The following FGF11 variants were observed in gnomAD, a reference collection of about 807,000 sequenced individuals.
FGF11 encodes the protein fibroblast growth factor homologous factor 3.
A neutral mutation model predicts 25.1 loss-of-function variants in FGF11; 25 were observed. The ratio of observed to expected loss-of-function variants is 1.00; its 90% confidence interval spans 0.73 to 1.39. The LOEUF (loss-of-function observed/expected upper bound fraction) is 1.39. FGF11 is among the 40% of genes most tolerant of loss of function. The pLI is 0.00. For missense variants in FGF11, 320 were observed against 311.0 expected (o/e 1.03, Z -0.22); for synonymous variants, 130 against 128.9 (o/e 1.01, Z -0.06).
chr17:7,439,750 C>T lies in FGF11; in HGVS notation c.130C>T (p.Leu44Phe). 6.4e-7 allele frequency: 1 copy of T among 1,567,656 alleles called. No homozygotes were observed. Among genetic ancestry groups the T allele is most frequent in the Non-Finnish European group, 8.6e-7 (1 of 1,161,688 alleles). The change falls in exon 1 of 5, where the codon CTC becomes TTC. Residue 44 changes from leucine to phenylalanine, a missense_variant. Leu to Phe is a conservative substitution (Grantham distance 22, BLOSUM62 0). Coordinates refer to ENST00000293829, the MANE Select transcript of FGF11 (RefSeq NM_004112.4). ...GTKSLCQKQL[L>F]ILLSKVRLCG... ...CAAGTCCCTTTGCCAGAAGCAGCTCCTCATCCTGCTGTCCAAGGTGCGACT... is the reference window on the plus strand; with the variant it reads ...CAAGTCCCTTTGCCAGAAGCAGCTCTTCATCCTGCTGTCCAAGGTGCGACT...
rs1324672552 is a variant in FGF11, at chr17:7,444,572, C to T, written c.*1426C>T. The T allele has an allele frequency of 6.0e-6, 1 of 165,424 alleles. No homozygotes were observed. The highest frequency in any genetic ancestry group is 1.3e-5 in the Non-Finnish European group (1 of 75,092). 10.2% of individuals were successfully genotyped at this position (165,424 alleles called of 1,614,324 possible). On this transcript the variant is annotated 3_prime_UTR_variant, in exon 5 of 5. Coordinates refer to ENST00000293829, the MANE Select transcript of FGF11 (RefSeq NM_004112.4). Reference sequence around the variant, plus strand: ...TCTAATTGGATAGAACTTGCTTTACCTTACAGCTCACAACCTCAGCTGGGT... The same window carrying T: ...TCTAATTGGATAGAACTTGCTTTACTTTACAGCTCACAACCTCAGCTGGGT...
At chr17:7,442,500 A>AGGTAT in intron 3 of FGF11, 94 bp from the exon 4 acceptor site, 11 of 1,585,294 alleles carry the variant, frequency 6.9e-6, no homozygotes, top group South Asian at 2.3e-5. Flanking sequence ...TCCCCCAAAA[A>AGGTAT]GGATTTGTGC....
chr17:7,443,155 C>T lies in FGF11; in HGVS notation c.*9C>T, dbSNP rs1908421758. 3.8e-6 allele frequency: 6 copies of T among 1,568,952 alleles called. No individual in the cohort carries two copies. Among genetic ancestry groups the T allele is most frequent in the Non-Finnish European group, 4.4e-6 (5 of 1,143,090 alleles). ...GTCCCCCTGCCCCCTGAAATGTAGT[C>T]CCTGGACTGGAGGTTCCCTGCACTC... is the stretch of plus-strand genomic sequence containing the variant. On this transcript the variant is annotated 3_prime_UTR_variant, in exon 5 of 5. Coordinates refer to ENST00000293829, the MANE Select transcript of FGF11 (RefSeq NM_004112.4).
chr17:7,442,933 G>A, intron 4 of FGF11, 141 bp downstream of exon 4: 1 of 1,184,128 alleles, frequency 8.4e-7, no homozygotes, highest in Non-Finnish European at 1.2e-6. Context: ...TGCCCTTTGG[G>A]GGTTTGGGTG....
chr17:7,443,299 C>T lies in FGF11; in HGVS notation c.*153C>T. ...GCTCTACCCTGAGGGAGCCTAGGGG[C>T]TGACTGTGACTTCCGAGGCTGCTGA... On this transcript the variant is annotated 3_prime_UTR_variant, in exon 5 of 5. Transcript: ENST00000293829. 1.7e-6 allele frequency: 1 copy of T among 581,318 alleles called. No homozygotes were observed. The highest frequency in any genetic ancestry group is 3.1e-6 in the Non-Finnish European group (1 of 327,838). 36.0% of individuals were successfully genotyped at this position (581,318 alleles called of 1,614,324 possible). A position where few individuals can be genotyped will look rare whatever the true frequency, so the allele number is the denominator to read the frequency against.
rs780142908 is a variant in FGF11, at chr17:7,439,796, G to C, written c.176G>C (p.Arg59Pro). 1.7e-5 allele frequency: 25 copies of C among 1,449,848 alleles called. No homozygotes were observed. The East Asian group carries it at 7.2e-4, about 42-fold the overall frequency. The allele number at this position is 1,449,848 out of a possible 1,614,324, so 89.8% of individuals were successfully genotyped here. The change falls in exon 1 of 5, where the codon CGG (arginine) becomes CCG (proline). Residue 59 changes from arginine to proline, a missense_variant. Transcript: ENST00000293829. ...CGACTGTGCGGGGGGCGGCCCGCGCGGCCGGACCGCGGCCCGGGTGAGTGC... is the reference window on the plus strand; with the variant it reads ...CGACTGTGCGGGGGGCGGCCCGCGCCGCCGGACCGCGGCCCGGGTGAGTGC... ...KVRLCGGRPA[R>P]PDRGPEPQLK...
intron 1 of FGF11, 78 bp downstream of exon 1, chr17:7,439,891 A>G: frequency 8.1e-7 from 1 of 1,234,762 alleles, no homozygotes; most frequent in Non-Finnish European, 1.1e-6. Flanking sequence ...TCTGAAGAAT[A>G]GGGCCCGGCT....
rs988972957 is a variant in FGF11, at chr17:7,443,007, C to T, written c.608-69C>T. 5.3e-6 allele frequency: 7 copies of T among 1,315,828 alleles called. No homozygotes were observed. In the African/African-American group the frequency reaches 8.7e-5, roughly 16 times the overall value. The allele number at this position is 1,315,828 out of a possible 1,614,324, so 81.5% of individuals were successfully genotyped here. On this transcript the variant is annotated intron_variant, in intron 4 of 4. Coordinates refer to ENST00000293829, the MANE Select transcript of FGF11 (RefSeq NM_004112.4). ...GTACGGGAAGGGAGCCCTTTTGGAG[C>T]ACTGGTTCTGCCTGGGTCCCTCTGT...
intron 3 of FGF11, chr17:7,442,267 TC>T: frequency 2.7e-6 from 1 of 370,572 alleles, no homozygotes; most frequent in Non-Finnish European, 4.7e-6. Context: ...AAAGTCTAGT[TC>T]TTTTTTTTTT....
chr17:7,440,990 G>A lies in FGF11; in HGVS notation c.194-481G>A. The A allele has an allele frequency of 1.0e-6, 1 of 997,526 alleles. No individual in the cohort carries two copies. The highest frequency in any genetic ancestry group is 4.2e-5 in the South Asian group (1 of 24,036). 61.8% of individuals were successfully genotyped at this position (997,526 alleles called of 1,614,324 possible). A position where few individuals can be genotyped will look rare whatever the true frequency, so the allele number is the denominator to read the frequency against. ...AAGGCAAGGCTCTCGCCAAGCTAGC[G>A]GCAGCCGCAGCAGGTGCTGAGTCAG... On this transcript the variant is annotated intron_variant, in intron 1 of 4. Coordinates refer to ENST00000293829, the MANE Select transcript of FGF11 (RefSeq NM_004112.4). The surrounding 1 kb of genome is among the most constrained non-coding windows in gnomAD (Gnocchi z 5.4).
rs1031381062 is a variant in FGF11, at chr17:7,441,763, T to C, written c.305-13T>C. ...GAGGCCTGGGTATTGATGCTCCCTCTCTCCACCTGCAGCCCACTTCAACCT... is the reference window on the plus strand; with the variant it reads ...GAGGCCTGGGTATTGATGCTCCCTCCCTCCACCTGCAGCCCACTTCAACCT... On this transcript the variant is annotated splice_polypyrimidine_tract_variant and intron_variant, in intron 2 of 4. Coordinates refer to ENST00000293829, the MANE Select transcript of FGF11 (RefSeq NM_004112.4). 2 of 1,589,850 alleles carry C rather than the reference T, an allele frequency of 1.3e-6. No individual in the cohort carries two copies. Among genetic ancestry groups the C allele is most frequent in the Admixed American group, 3.5e-5 (2 of 57,364 alleles).
rs565956951 is a variant in FGF11, at chr17:7,440,795, G to C, written c.194-676G>C. 1.0e-5 allele frequency: 10 copies of C among 987,208 alleles called. No homozygotes were observed. Among genetic ancestry groups the C allele is most frequent in the Non-Finnish European group, 1.2e-5 (10 of 831,238 alleles). The allele number at this position is 987,208 out of a possible 1,614,324, so 61.2% of individuals were successfully genotyped here. A position where few individuals can be genotyped will look rare whatever the true frequency, so the allele number is the denominator to read the frequency against. ...CTCAGCCTGCCTCTCCATCTCCTCAGCTCCCACCCCCCATATCCTTGGTAA... is the reference window on the plus strand; with the variant it reads ...CTCAGCCTGCCTCTCCATCTCCTCACCTCCCACCCCCCATATCCTTGGTAA... On this transcript the variant is annotated intron_variant, in intron 1 of 4. Coordinates refer to ENST00000293829, the MANE Select transcript of FGF11 (RefSeq NM_004112.4). The surrounding 1 kb of genome is among the most constrained non-coding windows in gnomAD (Gnocchi z 5.4).
At position 7,443,281 on chromosome 17, in the gene FGF11, C is replaced by T. The variant is rs1406498473; in HGVS notation, c.*135C>T. On this transcript the variant is annotated 3_prime_UTR_variant, in exon 5 of 5. Transcript: ENST00000293829. ...AGCCAGGTCCCACTAGGTGCTCTAC[C>T]CTGAGGGAGCCTAGGGGCTGACTGT... The T allele has an allele frequency of 1.6e-6, 1 of 610,442 alleles. No individual in the cohort carries two copies. The highest frequency in any genetic ancestry group is 2.8e-5 in the East Asian group (1 of 35,726). 37.8% of individuals were successfully genotyped at this position (610,442 alleles called of 1,614,324 possible).
rs1358293844 is a variant in FGF11 at position 7,441,513 on chromosome 17, A to G, written c.236A>G (p.Gln79Arg). 4 of 1,614,040 alleles carry G rather than the reference A, an allele frequency of 2.5e-6. No individual in the cohort carries two copies. In the African/African-American group the frequency reaches 5.3e-5, roughly 22 times the overall value. The change falls in exon 2 of 5, where the codon CAG (glutamine) becomes CGG (arginine). Residue 79 changes from glutamine (Q) to arginine (R), a missense_variant. Physicochemically the swap from Gln to Arg is conservative, Grantham distance 43. Transcript: ENST00000293829. Reference protein sequence around the residue: ...KGIVTKLFCRQGFYLQANPDG... With the variant: ...KGIVTKLFCRRGFYLQANPDG... Reference sequence around the variant, plus strand: ...ATCGTCACCAAACTGTTCTGCCGCCAGGGTTTCTACCTCCAGGCGAATCCC... The same window carrying G: ...ATCGTCACCAAACTGTTCTGCCGCCGGGGTTTCTACCTCCAGGCGAATCCC...
In FGF11 at chr17:7,444,468, T is replaced by G. The variant is rs774496503; in HGVS notation, c.*1322T>G. On this transcript the variant is annotated 3_prime_UTR_variant, in exon 5 of 5. Coordinates refer to ENST00000293829, the MANE Select transcript of FGF11 (RefSeq NM_004112.4). ...GAGGAGACCCCAATTCAGCAATAAGTCTCACCCTTCTCCCCTACAGGTCAG... is the reference window on the plus strand; with the variant it reads ...GAGGAGACCCCAATTCAGCAATAAGGCTCACCCTTCTCCCCTACAGGTCAG... 2 of 153,706 alleles carry G rather than the reference T, an allele frequency of 1.3e-5. No homozygotes were observed. The highest frequency in any genetic ancestry group is 1.5e-5 in the Non-Finnish European group (1 of 68,914). The allele number at this position is 153,706 out of a possible 1,614,324, so 9.5% of individuals were successfully genotyped here.
In FGF11 at chr17:7,443,432, C is replaced by A; in HGVS notation, c.*286C>A. The A allele has an allele frequency of 2.8e-6, 1 of 351,046 alleles. No homozygotes were observed. The highest frequency in any genetic ancestry group is 5.2e-6 in the Non-Finnish European group (1 of 193,248). 21.7% of individuals were successfully genotyped at this position (351,046 alleles called of 1,614,324 possible). A position where few individuals can be genotyped will look rare whatever the true frequency, so the allele number is the denominator to read the frequency against. Reference sequence around the variant, plus strand: ...ACACTCACACAACGCCATGCCTTTTCCTGAGATGGCGCTGGGAGTTCCCAC... The same window carrying A: ...ACACTCACACAACGCCATGCCTTTTACTGAGATGGCGCTGGGAGTTCCCAC... On this transcript the variant is annotated 3_prime_UTR_variant, in exon 5 of 5. Transcript: ENST00000293829.
intron 4 of FGF11, 66 bp downstream of exon 4, chr17:7,442,858 G>T: frequency 6.7e-7 from 1 of 1,497,722 alleles, no homozygotes; most frequent in Non-Finnish European, 9.3e-7. Flanking sequence ...GGACATTTAG[G>T]GGCAGACAGC....
chr17:7,440,644 C>T lies in FGF11; in HGVS notation c.194-827C>T. On this transcript the variant is annotated intron_variant, in intron 1 of 4. Coordinates refer to ENST00000293829, the MANE Select transcript of FGF11 (RefSeq NM_004112.4). The surrounding 1 kb of genome is among the most constrained non-coding windows in gnomAD (Gnocchi z 5.4). The stretch of plus-strand genomic sequence containing the variant: ...ACGACAGTCAGGGAGTCCCTCTGGC[C>T]CTGCTCCCGCCCGCTCCCAGCTCCC... The T allele has an allele frequency of 6.1e-6, 6 of 985,382 alleles. No homozygotes were observed. Among genetic ancestry groups the T allele is most frequent in the Non-Finnish European group, 7.2e-6 (6 of 829,970 alleles). 61.0% of individuals were successfully genotyped at this position (985,382 alleles called of 1,614,324 possible).
Position 7,441,825 on chromosome 17 carries a change from C to A in FGF11, c.354C>A (p.Ser118Arg). The A allele has an allele frequency of 6.2e-7, 1 of 1,612,782 alleles. No individual in the cohort carries two copies. Among genetic ancestry groups the A allele is most frequent in the Non-Finnish European group, 8.5e-7 (1 of 1,179,344 alleles). ...PVGLRVVTIQ[S>R]AKLGHYMAMN... ...GCCTCCGTGTGGTCACCATCCAGAG[C>A]GCCAAGCTGGGTCACTACATGGCCA... Residue 118 changes from serine (S) to arginine (R), a missense_variant, in exon 3 of 5, where the codon AGC becomes AGA. Ser to Arg is a moderately radical substitution (Grantham distance 110, BLOSUM62 -1). Coordinates refer to ENST00000293829, the MANE Select transcript of FGF11 (RefSeq NM_004112.4).
Sources: gnomAD v4.1 joint callset for allele counts on GRCh38, gnomAD v4.1.1 for gene constraint, Gnocchi (gnomAD v3.1) non-coding constraint, MANE v1.5 for transcripts, NCBI Gene and HGNC (gene_info 2026-07-23, HGNC 2026-07-21) for gene names.